Variants in SIRT4 observed in about 807,000 individuals in gnomAD.
SIRT4 encodes sirtuin 4, also known as NAD-dependent protein lipoamidase sirtuin-4, mitochondrial.
SIRT4 carries 23 observed loss-of-function variants against 26.1 expected under a neutral mutation model. That is an observed-to-expected ratio of 0.88 (90% CI 0.63 to 1.25). The LOEUF (loss-of-function observed/expected upper bound fraction) is 1.25. Ranked by LOEUF, SIRT4 falls within the 50% of genes most tolerant of loss-of-function variation. The probability of loss-of-function intolerance (pLI) is 0.00; values close to 1 mark genes in which losing one functional copy is unlikely to be tolerated. For missense variants in SIRT4, 361 were observed against 405.4 expected (o/e 0.89, Z 0.94); for synonymous variants, 155 against 158.4 (o/e 0.98, Z 0.16).
At chr12:120,304,825 ATATATATATATT>A (rs1399825505) in intron 2 of SIRT4, among the ~76,000 whole-genome samples, 1 of 18,152 alleles carries the variant, frequency 5.5e-5, no homozygotes, top group African/African-American at 2.0e-4. Context: ...ATATATATAT[ATATATATATATT>A]TTTTTTTTTT....
At chr12:120,293,860 A>G in the SIRT4 span, among the ~76,000 whole-genome samples, 5 of 152,014 alleles carry the variant, frequency 3.3e-5, no homozygotes, top group Admixed American at 1.3e-4. Flanking sequence ...CTTTATATAT[A>G]TATAAATGGA....
the SIRT4 span, among the ~76,000 whole-genome samples, chr12:120,294,589 C>T: frequency 6.6e-6 from 1 of 151,178 alleles, no homozygotes; most frequent in South Asian, 2.1e-4. Context: ...GCTTTTGGCT[C>T]TGTCGCCCAG....
In SIRT4 at chr12:120,313,024, AGACCCATGCT is replaced by A; in HGVS notation, c.938_*2del. On this transcript the variant is annotated frameshift_variant and stop_lost, in exon 4 of 4. Coordinates refer to ENST00000202967, the MANE Select transcript of SIRT4 (RefSeq NM_012240.3). LOFTEE classifies it high-confidence loss of function. ...GTTGTGGAGAGTTGCTGCCTTTGAT[AGACCCATGCT>A]GACCACAGCCTGATATTCCAGAACC... The A allele has an allele frequency of 6.2e-7, 1 of 1,614,126 alleles. No homozygotes were observed. The highest frequency in any genetic ancestry group is 8.5e-7 in the Non-Finnish European group (1 of 1,180,028).
intron 2 of SIRT4, among the ~76,000 whole-genome samples, chr12:120,308,024 A>AT (rs57933904): frequency 0.018 from 2,776 of 150,182 alleles, 89 homozygotes; most frequent in African/African-American, 0.064. Flanking sequence ...TAAAAAAAAA[A>AT]TTTTTTTTTT....
chr12:120,308,169 T>TATGGGTACAGGGGGCTTGAGA (rs1566464866), intron 2 of SIRT4, among the ~76,000 whole-genome samples: 1 of 147,660 alleles, frequency 6.8e-6, no homozygotes, highest in Non-Finnish European at 1.5e-5. Context: ...AGAAAGCTTT[T>TATGGGTACAGGGGGCTTGAGA]TTTTTTTTTT....
At chr12:120,305,008 G>A (rs1872699041) in intron 2 of SIRT4, among the ~76,000 whole-genome samples, 1 of 151,198 alleles carries the variant, frequency 6.6e-6, no homozygotes, top group Admixed American at 6.6e-5. Context: ...ACAAAAATCT[G>A]TTGGAAGTGG....
intron 2 of SIRT4, among the ~76,000 whole-genome samples, chr12:120,304,920 A>G (rs1872695936): frequency 6.7e-6 from 1 of 148,170 alleles, no homozygotes; most frequent in Non-Finnish European, 1.5e-5. Context: ...TTGGGAGGCC[A>G]AGGCAGGCAG....
At chr12:120,308,611 C>T (rs1166895511) in intron 2 of SIRT4, among the ~76,000 whole-genome samples, 1 of 152,110 alleles carries the variant, frequency 6.6e-6, no homozygotes, top group Non-Finnish European at 1.5e-5. Context: ...AGGTTTGGAC[C>T]TGGGACTTGC....
the SIRT4 span, among the ~76,000 whole-genome samples, chr12:120,296,086 CAAAAAAAA>C: frequency 6.2e-4 from 25 of 40,178 alleles, no homozygotes; most frequent in Admixed American, 1.4e-3. Context: ...GACTCCGTCT[CAAAAAAAA>C]AAAAAAAAAA....
chr12:120,308,240 G>T (rs1872823306), intron 2 of SIRT4, among the ~76,000 whole-genome samples: 1 of 147,932 alleles, frequency 6.8e-6, no homozygotes, highest in African/African-American at 2.5e-5. Context: ...CACGGTCTCG[G>T]CTCACTGCAA....
chr12:120,306,414 G>T (rs1029569869), intron 2 of SIRT4, among the ~76,000 whole-genome samples: 2 of 152,024 alleles, frequency 1.3e-5, no homozygotes. Flanking sequence ...GGCGGAGGTT[G>T]CGGTGAGCCG....
chr12:120,298,339 T>A (rs1872409079), upstream of SIRT4, among the ~76,000 whole-genome samples: 1 of 151,956 alleles, frequency 6.6e-6, no homozygotes, highest in African/African-American at 2.4e-5. Context: ...CCAGGCGCAG[T>A]AGCTCACGCC....
rs531925766 is a variant in SIRT4, at chr12:120,302,353, G to T, written c.-27G>T. On this transcript the variant is annotated 5_prime_UTR_variant, in exon 1 of 4. Coordinates refer to ENST00000202967, the MANE Select transcript of SIRT4 (RefSeq NM_012240.3). ...CAATCAGACGGTCCCACTGTGGGGT[G>T]TGAAGTGTCCGTAGAGCTGTGAGAG... 1.3e-5 allele frequency: 2 copies of T among 152,336 alleles called. No homozygotes were observed. Among genetic ancestry groups the T allele is most frequent in the East Asian group, 3.9e-4 (2 of 5,178 alleles). 9.4% of individuals were successfully genotyped at this position (152,336 alleles called of 1,614,324 possible).
the SIRT4 span, among the ~76,000 whole-genome samples, chr12:120,296,038 G>C: frequency 8.8e-6 from 1 of 113,846 alleles, no homozygotes; most frequent in Non-Finnish European, 1.6e-5. Flanking sequence ...CATGAGCTGA[G>C]ATCATGCCAC....
rs1301739210 is a variant in SIRT4 at position 120,313,145 on chromosome 12, G to C, written c.*109G>C. The C allele has an allele frequency of 7.9e-7, 1 of 1,264,112 alleles. No homozygotes were observed. Among genetic ancestry groups the C allele is most frequent in the Non-Finnish European group, 1.1e-6 (1 of 886,218 alleles). The allele number at this position is 1,264,112 out of a possible 1,614,324, so 78.3% of individuals were successfully genotyped here. On this transcript the variant is annotated 3_prime_UTR_variant, in exon 4 of 4. Transcript: ENST00000202967. ...ATTCCAGTTCCCATTCAACAGAGTA[G>C]GGTGCACTGACAAAGTATAGAAGGT...
upstream of SIRT4, among the ~76,000 whole-genome samples, chr12:120,299,169 C>G (rs1192253556): frequency 1.3e-5 from 2 of 149,438 alleles, no homozygotes; most frequent in Non-Finnish European, 3.0e-5. Flanking sequence ...TGTAGTGGGC[C>G]GAGATCTCTC....
the SIRT4 span, among the ~76,000 whole-genome samples, chr12:120,292,541 G>C: frequency 6.6e-5 from 10 of 152,234 alleles, no homozygotes; most frequent in Non-Finnish European, 1.5e-4. Flanking sequence ...GCGGCAGTTT[G>C]CAGCGAGCCG....
chr12:120,301,229 C>T (rs1481056246), upstream of SIRT4, among the ~76,000 whole-genome samples: 1 of 152,076 alleles, frequency 6.6e-6, no homozygotes, highest in Non-Finnish European at 1.5e-5. Context: ...CCCATAATCC[C>T]TGCTACTCAG....
At chr12:120,293,015 C>T in the SIRT4 span, 8 of 150,644 alleles carry the variant, frequency 5.3e-5, no homozygotes, top group Non-Finnish European at 8.8e-5. Flanking sequence ...AGTTTGCGAA[C>T]AAGTACTCTT....
Sources: gnomAD v4.1 joint callset for allele counts (sites outside exome capture counted in the v4.1 genomes callset) on GRCh38, gnomAD v4.1.1 for gene constraint, MANE v1.5 for transcripts, NCBI Gene and HGNC (gene_info 2026-07-23, HGNC 2026-07-21) for gene names.